The following CFAP52 variants were observed in gnomAD, a reference collection of about 807,000 sequenced individuals.
CFAP52 encodes the protein cilia- and flagella-associated protein 52.
A neutral mutation model predicts 70.5 loss-of-function variants in CFAP52; 57 were observed. The observed-to-expected ratio is 0.81, with a 90% CI of 0.65 to 1.01. The LOEUF is 1.01. CFAP52 is among the 50% of genes least tolerant of loss of function. CFAP52 has a pLI of 0.00. For missense variants in CFAP52, 785 were observed against 788.5 expected, an observed-to-expected ratio of 1.00 and a Z score of 0.05; for synonymous variants, 267 against 292.5, an observed-to-expected ratio of 0.91 and a Z score of 0.89.
At chr17:9,590,253 C>T (rs1179930202) in intron 3 of CFAP52, 4 of 189,748 alleles carry the variant, frequency 2.1e-5, no homozygotes, top group Non-Finnish European at 3.5e-5. Flanking sequence ...CTTACCTATG[C>T]CCATGTGCCT....
chr17:9,627,249 C>T (rs2937972), intron 8 of CFAP52, among the ~76,000 whole-genome samples: 1,586 of 152,158 alleles, frequency 0.01, 26 homozygotes, highest in African/African-American at 0.037. Flanking sequence ...GTGGCTCACA[C>T]CTGTAATCCC....
downstream of CFAP52, chr17:9,644,566 C>T (rs1911232552): frequency 7.5e-6 from 1 of 133,614 alleles, no homozygotes; most frequent in Non-Finnish European, 1.5e-5. Context: ...ATAAACCTGA[C>T]AGTTGCATGG....
intron 9 of CFAP52, among the ~76,000 whole-genome samples, chr17:9,631,540 G>A (rs1845125407): frequency 6.6e-6 from 1 of 152,162 alleles, no homozygotes; most frequent in African/African-American, 2.4e-5. Flanking sequence ...AATAGCAAGT[G>A]CAAAGGCCCT....
At chr17:9,601,764 A>G (rs1391824827) in intron 6 of CFAP52, among the ~76,000 whole-genome samples, 1 of 152,222 alleles carries the variant, frequency 6.6e-6, no homozygotes, top group Non-Finnish European at 1.5e-5. Context: ...AAATGCTGCT[A>G]TTTCCAGCAC....
intron 8 of CFAP52, among the ~76,000 whole-genome samples, chr17:9,615,908 G>A (rs1388533211): frequency 6.9e-6 from 1 of 144,802 alleles, no homozygotes; most frequent in Non-Finnish European, 1.5e-5. Flanking sequence ...CCAGAGCACA[G>A]GCCTCTCAGA....
intron 9 of CFAP52, 89 bp from the exon 10 acceptor site, chr17:9,632,799 G>C: frequency 3.3e-6 from 5 of 1,529,446 alleles, no homozygotes; most frequent in Non-Finnish European, 4.4e-6. Context: ...CCACTCACCA[G>C]GCCTGCCTCT....
At chr17:9,638,547 A>G (rs1001187062) in intron 11 of CFAP52, 62 bp from the exon 12 acceptor site, 2 of 1,508,366 alleles carry the variant, frequency 1.3e-6, no homozygotes, top group Admixed American at 3.4e-5. Context: ...CAGCTTGAAT[A>G]GTGAATAAAT....
At chr17:9,598,416 A>G in intron 5 of CFAP52, 83 bp downstream of exon 5, 2 of 1,176,576 alleles carry the variant, frequency 1.7e-6, no homozygotes, top group Non-Finnish European at 2.5e-6. Context: ...GTGTGTGTAC[A>G]TGGGGCTGGG....
chr17:9,609,520 C>A (rs1485009498), intron 7 of CFAP52, among the ~76,000 whole-genome samples: 1 of 152,000 alleles, frequency 6.6e-6, no homozygotes, highest in African/African-American at 2.4e-5. Flanking sequence ...CACAGTGAAG[C>A]CTCATCTCTA....
intron 8 of CFAP52, among the ~76,000 whole-genome samples, chr17:9,624,514 G>A (rs986607459): frequency 6.6e-6 from 1 of 151,798 alleles, no homozygotes; most frequent in Non-Finnish European, 1.5e-5. Flanking sequence ...TTGCTATAAG[G>A]TATATAATTA....
rs767219781 is a variant in CFAP52 at position 9,600,156 on chromosome 17, T to A, written c.726T>A (p.Val242=). The A allele has an allele frequency of 3.1e-6, 5 of 1,614,046 alleles. No homozygotes were observed. In the South Asian group the frequency reaches 4.4e-5, roughly 14 times the overall value. ...MNPRTKLLTD[V]GPAKDKFSLG... ...CCAGGACTAAACTGCTGACAGATGTTGGGCCTGCGAAGGACAAATTCAGTT... is the reference window on the plus strand; with the variant it reads ...CCAGGACTAAACTGCTGACAGATGTAGGGCCTGCGAAGGACAAATTCAGTT... Residue 242 remains valine, a synonymous_variant, in exon 6 of 14, where the codon GTT becomes GTA. Coordinates refer to ENST00000352665, the MANE Select transcript of CFAP52 (RefSeq NM_145054.5).
chr17:9,640,680 C>T (rs1017460163), intron 12 of CFAP52, among the ~76,000 whole-genome samples: 2 of 152,214 alleles, frequency 1.3e-5, no homozygotes, highest in East Asian at 3.9e-4. Flanking sequence ...GTCACCCAGG[C>T]TGGAGTGCAG....
intron 6 of CFAP52, among the ~76,000 whole-genome samples, chr17:9,603,788 A>G (rs1406859360): frequency 1.3e-5 from 2 of 152,244 alleles, no homozygotes; most frequent in Non-Finnish European, 2.9e-5. Flanking sequence ...ACACCTATGT[A>G]ACAAACCCGC....
At position 9,608,115 on chromosome 17, in the gene CFAP52, CT is replaced by C. The variant is rs1909569391; in HGVS notation, c.754-3del. The stretch of plus-strand genomic sequence containing the variant: ...CTTTTTCTTAACACAGTTTTTCCCC[CT>C]AGGGAGTGTCAGCTATCAGGTGCCT... On this transcript the variant is annotated splice_polypyrimidine_tract_variant and splice_region_variant and intron_variant, in intron 6 of 13. Transcript: ENST00000352665. The C allele has an allele frequency of 6.2e-7, 1 of 1,610,294 alleles. No individual in the cohort carries two copies. The highest frequency in any genetic ancestry group is 8.5e-7 in the Non-Finnish European group (1 of 1,177,804).
chr17:9,637,411 C>G (rs868087605), intron 11 of CFAP52, among the ~76,000 whole-genome samples: 2 of 152,210 alleles, frequency 1.3e-5, no homozygotes, highest in Non-Finnish European at 2.9e-5. Flanking sequence ...TCAGATACCA[C>G]GTTTGAAAAC....
In CFAP52 at chr17:9,578,865, G is replaced by C. The variant is rs531440318; in HGVS notation, c.70+2100G>C. On this transcript the variant is annotated intron_variant, in intron 1 of 13. Transcript: ENST00000352665. ...CCAGCCACAGGGTGGAGGGGTGCAT[G>C]GCCTTAGGTCCTGTTTATAATTTGA... Among the ~76,000 whole-genome samples, 288 of 152,256 alleles carry C rather than the reference G, an allele frequency of 1.9e-3. 2 individuals carry two copies. The highest frequency in any genetic ancestry group is 1.2e-3 in the Non-Finnish European group (82 of 68,022).
chr17:9,609,664 T>C (rs1334896023), intron 7 of CFAP52, among the ~76,000 whole-genome samples: 2 of 152,080 alleles, frequency 1.3e-5, no homozygotes, highest in African/African-American at 4.8e-5. Flanking sequence ...GCCATGATCA[T>C]GGCACTGAAC....
chr17:9,615,791 AATTCT>A (rs1475848219), intron 8 of CFAP52, among the ~76,000 whole-genome samples: 3 of 118,758 alleles, frequency 2.5e-5, no homozygotes, highest in African/African-American at 9.9e-5. Flanking sequence ...ACAAAAAAAA[AATTCT>A]TTTTTTTTTT....
In CFAP52 at chr17:9,594,016, G is replaced by A. The variant is rs376962992; in HGVS notation, c.408-177G>A. Among the ~76,000 whole-genome samples the A allele has an allele frequency of 8.9e-4, 136 of 152,248 alleles. 1 individual carries two copies. The South Asian group carries it at 0.028, about 31-fold the overall frequency. On this transcript the variant is annotated intron_variant, in intron 3 of 13. Coordinates refer to ENST00000352665, the MANE Select transcript of CFAP52 (RefSeq NM_145054.5). ...AAAAAACTTTTAATGTGTCACCGTT[G>A]TGTCTTCTAATACCTAGTGTAGTTG...
Sources: gnomAD v4.1 joint callset for allele counts (sites outside exome capture counted in the v4.1 genomes callset) on GRCh38, gnomAD v4.1.1 for gene constraint, MANE v1.5 for transcripts, NCBI Gene and HGNC (gene_info 2026-07-23, HGNC 2026-07-21) for gene names.